The following AUTS2 variants were observed in gnomAD, a reference collection of about 807,000 sequenced individuals.
AUTS2 encodes autism susceptibility gene 2 protein.
In AUTS2, 17 loss-of-function variants were observed where a neutral mutation model predicts 112.4. That is an observed-to-expected ratio of 0.15 (90% CI 0.10 to 0.23). The LOEUF (loss-of-function observed/expected upper bound fraction) is 0.23, where lower values mean the gene tolerates loss of function less well. Ranked by LOEUF, AUTS2 falls within the 10% of genes least tolerant of loss-of-function variation. AUTS2 has a pLI of 1.00. For synonymous variants in AUTS2, 751 were observed against 702.7 expected, an observed-to-expected ratio of 1.07 and a Z score of -1.09; for missense variants, 1,510 against 1,701.6, an observed-to-expected ratio of 0.89 and a Z score of 1.98.
chr7:70,519,105 C>G (rs1173994048), intron 5 of AUTS2, among the ~76,000 whole-genome samples: 1 of 152,116 alleles, frequency 6.6e-6, no homozygotes, highest in Non-Finnish European at 1.5e-5. Context: ...ACTGTTTGCT[C>G]TTTCTTTTAC....
chr7:70,317,526 T>C lies in AUTS2; in HGVS notation c.661-118226T>C, dbSNP rs1025592536. The stretch of plus-strand genomic sequence containing the variant: ...TTTTCCTGTTGACATTTGATGAAAC[T>C]AAAGCAGAGGGAAGTTAAGTAGTTT... On this transcript the variant is annotated intron_variant, in intron 4 of 18. Transcript: ENST00000342771. Among the ~76,000 whole-genome samples the C allele has an allele frequency of 2.6e-5, 4 of 152,318 alleles. No individual in the cohort carries two copies. The South Asian group carries it at 8.3e-4, about 32-fold the overall frequency.
chr7:70,658,094 C>T (rs1409078937), intron 5 of AUTS2, among the ~76,000 whole-genome samples: 1 of 152,200 alleles, frequency 6.6e-6, no homozygotes, highest in African/African-American at 2.4e-5. Flanking sequence ...GATATGAGAA[C>T]AATTGGACTA....
At chr7:70,617,272 A>T (rs79094749) in intron 5 of AUTS2, among the ~76,000 whole-genome samples, 3,648 of 152,256 alleles carry the variant, frequency 0.024, 98 homozygotes, top group African/African-American at 0.061. Context: ...AATGGTCAAG[A>T]CTAAATGACC....
chr7:70,196,811 G>A (rs1301885399), intron 4 of AUTS2, among the ~76,000 whole-genome samples: 2 of 152,144 alleles, frequency 1.3e-5, no homozygotes, highest in African/African-American at 4.8e-5. Flanking sequence ...ACTAGTTTTG[G>A]TACTATTAAT....
intron 5 of AUTS2, among the ~76,000 whole-genome samples, chr7:70,473,564 T>TC (rs960185911): frequency 6.6e-6 from 1 of 152,184 alleles, no homozygotes; most frequent in Non-Finnish European, 1.5e-5. Context: ...TAAGAATATG[T>TC]CCAGGCCTCT....
intron 2 of AUTS2, among the ~76,000 whole-genome samples, chr7:70,113,037 T>C (rs550958633): frequency 6.6e-6 from 1 of 152,226 alleles, no homozygotes; most frequent in South Asian, 2.1e-4. Flanking sequence ...CAAATTGTTA[T>C]TTAAAACACT....
chr7:70,751,855 G>A (rs1487226937), intron 6 of AUTS2, among the ~76,000 whole-genome samples: 1 of 151,972 alleles, frequency 6.6e-6, no homozygotes, highest in Non-Finnish European at 1.5e-5. Flanking sequence ...TGAGTAGCTG[G>A]GATTGCAGGC....
intron 5 of AUTS2, among the ~76,000 whole-genome samples, chr7:70,615,647 G>A (rs966742177): frequency 2.0e-5 from 3 of 152,224 alleles, no homozygotes; most frequent in African/African-American, 4.8e-5. Context: ...ACACCAACAT[G>A]TATGTGGCCC....
intron 5 of AUTS2, among the ~76,000 whole-genome samples, chr7:70,646,924 T>C (rs1486609973): frequency 6.6e-6 from 1 of 152,188 alleles, no homozygotes; most frequent in African/African-American, 2.4e-5. Flanking sequence ...GCTGTTCTGC[T>C]CTGGCCTTGC....
intron 5 of AUTS2, among the ~76,000 whole-genome samples, chr7:70,622,757 T>G (rs1032024389): frequency 6.6e-6 from 1 of 152,238 alleles, no homozygotes; most frequent in African/African-American, 2.4e-5. Flanking sequence ...GATCCAGAAC[T>G]GTTGGCAGCC....
At chr7:70,513,479 C>T (rs950987508) in intron 5 of AUTS2, among the ~76,000 whole-genome samples, 19 of 152,082 alleles carry the variant, frequency 1.2e-4, no homozygotes, top group African/African-American at 4.6e-4. Context: ...TTGAGTCTGC[C>T]CAGCCTGGAA....
At chr7:70,723,272 T>A (rs1185913249) in intron 6 of AUTS2, among the ~76,000 whole-genome samples, 1 of 152,216 alleles carries the variant, frequency 6.6e-6, no homozygotes, top group Non-Finnish European at 1.5e-5. Context: ...TTTTCCTCTA[T>A]ACAACCCCTT....
At position 69,884,479 on chromosome 7, in the gene AUTS2, C is replaced by T. The variant is rs112821213; in HGVS notation, c.310-14807C>T. Among the ~76,000 whole-genome samples, 1,221 of 152,314 alleles carry T rather than the reference C, an allele frequency of 8.0e-3. 15 individuals carry two copies. Among genetic ancestry groups the T allele is most frequent in the Admixed American group, 0.02 (307 of 15,300 alleles). Reference sequence around the variant, plus strand: ...CAGTTTAATTTTGTGATAAATCTCACGTTTAATCCTCTGGTTACCCTGTAA... The same window carrying T: ...CAGTTTAATTTTGTGATAAATCTCATGTTTAATCCTCTGGTTACCCTGTAA... On this transcript the variant is annotated intron_variant, in intron 1 of 18. Coordinates refer to ENST00000342771, the MANE Select transcript of AUTS2 (RefSeq NM_015570.4).
rs1187410171 is a variant in AUTS2 at position 69,598,486 on chromosome 7, T to G, written c.-1168T>G. 1 of 145,376 alleles carries G rather than the reference T, an allele frequency of 6.9e-6. No individual in the cohort carries two copies. The highest frequency in any genetic ancestry group is 1.5e-5 in the Non-Finnish European group (1 of 66,668). The allele number at this position is 145,376 out of a possible 1,614,324, so 9.0% of individuals were successfully genotyped here. A position where few individuals can be genotyped will look rare whatever the true frequency, so the allele number is the denominator to read the frequency against. On this transcript the variant is annotated 5_prime_UTR_variant, in exon 1 of 19. Coordinates refer to ENST00000342771, the MANE Select transcript of AUTS2 (RefSeq NM_015570.4). ...GCGGAGGATGGGGCAGTGCCCGGGC[T>G]CCCGCTGCAGCCGCCCGGGGACACG...
intron 1 of AUTS2, among the ~76,000 whole-genome samples, chr7:69,865,397 C>T (rs1793177299): frequency 6.6e-6 from 1 of 152,120 alleles, no homozygotes; most frequent in Non-Finnish European, 1.5e-5. Flanking sequence ...AGTCTCTGTG[C>T]TGTCCAGAAT....
intron 2 of AUTS2, among the ~76,000 whole-genome samples, chr7:70,088,120 A>T (rs1254248522): frequency 6.7e-6 from 1 of 149,320 alleles, no homozygotes; most frequent in African/African-American, 2.5e-5. Context: ...GGTTTCATTC[A>T]TATTTTTGTT....
chr7:70,365,247 G>A (rs544280152), intron 4 of AUTS2, among the ~76,000 whole-genome samples: 44 of 152,168 alleles, frequency 2.9e-4, no homozygotes, highest in African/African-American at 1.0e-3. Context: ...TCACCAACCC[G>A]GATACAAAGA....
intron 4 of AUTS2, among the ~76,000 whole-genome samples, chr7:70,435,102 A>T (rs1038289934): frequency 1.3e-5 from 2 of 152,066 alleles, no homozygotes; most frequent in Admixed American, 1.3e-4. Context: ...TTTTTTGCCC[A>T]TATTTTTTAT....
intron 1 of AUTS2, among the ~76,000 whole-genome samples, chr7:69,807,565 C>T (rs955383360): frequency 3.9e-5 from 6 of 152,044 alleles, no homozygotes; most frequent in Non-Finnish European, 8.8e-5. Flanking sequence ...CATTTAAATT[C>T]TTAGTGTAAA....
Sources: allele counts gnomAD v4.1 joint callset (sites outside exome capture counted in the v4.1 genomes callset), GRCh38; gene constraint gnomAD v4.1.1; transcripts MANE v1.5; gene names NCBI Gene and HGNC (gene_info 2026-07-23, HGNC 2026-07-21).